The following ST6GALNAC5 variants were observed in gnomAD, a reference collection of about 807,000 sequenced individuals.
ST6GALNAC5 encodes alpha-N-acetylgalactosaminide alpha-2,6-sialyltransferase 5.
In ST6GALNAC5, 27 loss-of-function variants were observed where a neutral mutation model predicts 33.6. The ratio of observed to expected loss-of-function variants is 0.80; its 90% CI spans 0.59 to 1.11. ST6GALNAC5 has a LOEUF of 1.11. Ranked by LOEUF, ST6GALNAC5 falls within the 50% of genes least tolerant of loss-of-function variation. The probability of loss-of-function intolerance (pLI) is 0.00; values close to 1 mark genes in which losing one functional copy is unlikely to be tolerated. For synonymous variants in ST6GALNAC5, 194 were observed against 171.2 expected, an observed-to-expected ratio of 1.13 and a Z score of -1.04; for missense variants, 428 against 454.0, an observed-to-expected ratio of 0.94 and a Z score of 0.52.
chr1:77,020,618 C>G (rs1651017206), intron 2 of ST6GALNAC5, among the ~76,000 whole-genome samples: 3 of 152,178 alleles, frequency 2.0e-5, no homozygotes, highest in African/African-American at 7.2e-5. Context: ...CCAGGCTGGT[C>G]TTGAGCTCCT....
At chr1:76,927,517 T>C (rs545279341) in intron 2 of ST6GALNAC5, among the ~76,000 whole-genome samples, 2 of 152,034 alleles carry the variant, frequency 1.3e-5, no homozygotes, top group Non-Finnish European at 2.9e-5. Flanking sequence ...GATAGTGATA[T>C]CTTGAAAAAA....
At chr1:76,922,670 T>C (rs752821667) in intron 2 of ST6GALNAC5, among the ~76,000 whole-genome samples, 4 of 152,024 alleles carry the variant, frequency 2.6e-5, no homozygotes, top group African/African-American at 7.2e-5. Flanking sequence ...AACTCAGAAA[T>C]AGACCCACAC....
chr1:76,904,700 C>T (rs982383519), intron 2 of ST6GALNAC5, among the ~76,000 whole-genome samples: 1 of 152,082 alleles, frequency 6.6e-6, no homozygotes, highest in Admixed American at 6.5e-5. Flanking sequence ...TGGCATATGC[C>T]TGTAATCCCA....
chr1:76,978,717 A>T (rs1102451), intron 2 of ST6GALNAC5, among the ~76,000 whole-genome samples: 2 of 152,212 alleles, frequency 1.3e-5, no homozygotes, highest in Admixed American at 1.3e-4. Context: ...GACTTGAAAC[A>T]AGACAAGAAT....
At chr1:77,024,897 T>A (rs930374677) in intron 2 of ST6GALNAC5, among the ~76,000 whole-genome samples, 1 of 152,220 alleles carries the variant, frequency 6.6e-6, no homozygotes, top group Non-Finnish European at 1.5e-5. Context: ...CAACTCCATC[T>A]GCTGTGACCC....
intron 2 of ST6GALNAC5, among the ~76,000 whole-genome samples, chr1:77,021,979 C>T (rs1330838139): frequency 6.6e-6 from 1 of 152,196 alleles, no homozygotes; most frequent in African/African-American, 2.4e-5. Flanking sequence ...TGCTGTCATG[C>T]CATTCAGCAG....
intron 4 of ST6GALNAC5, among the ~76,000 whole-genome samples, chr1:77,057,625 C>CGG (rs1652443900): frequency 6.6e-6 from 1 of 152,112 alleles, no homozygotes; most frequent in Non-Finnish European, 1.5e-5. Flanking sequence ...TCATTTCCTC[C>CGG]GGATATATGG....
intron 2 of ST6GALNAC5, among the ~76,000 whole-genome samples, chr1:76,956,847 G>A (rs1382815793): frequency 6.6e-6 from 1 of 152,138 alleles, no homozygotes; most frequent in African/African-American, 2.4e-5. Context: ...ATGATTAAGT[G>A]CGGTGTTTAA....
intron 2 of ST6GALNAC5, among the ~76,000 whole-genome samples, chr1:77,024,914 CT>C (rs1651178225): frequency 1.3e-5 from 2 of 152,182 alleles, no homozygotes; most frequent in African/African-American, 4.8e-5. Context: ...ACCCACCTTC[CT>C]TAGTCAGCCC....
chr1:76,887,954 G>A (rs1279028739), intron 2 of ST6GALNAC5, among the ~76,000 whole-genome samples: 1 of 151,994 alleles, frequency 6.6e-6, no homozygotes, highest in African/African-American at 2.4e-5. Flanking sequence ...ACACTGTGAA[G>A]CAGTGACTAG....
intron 2 of ST6GALNAC5, among the ~76,000 whole-genome samples, chr1:76,960,869 A>G (rs1164857652): frequency 6.6e-6 from 1 of 152,114 alleles, no homozygotes; most frequent in Non-Finnish European, 1.5e-5. Context: ...CAGATTTCAT[A>G]TTGTTCAAAC....
At chr1:77,060,368 G>A (rs1194951086) in intron 4 of ST6GALNAC5, among the ~76,000 whole-genome samples, 1 of 152,074 alleles carries the variant, frequency 6.6e-6, no homozygotes, top group Non-Finnish European at 1.5e-5. Context: ...GGTGAAGGAA[G>A]AAAAAAACTA....
At chr1:76,943,100 G>A (rs755289110) in intron 2 of ST6GALNAC5, among the ~76,000 whole-genome samples, 3 of 152,056 alleles carry the variant, frequency 2.0e-5, no homozygotes, top group Non-Finnish European at 4.4e-5. Flanking sequence ...TCTAGCCACA[G>A]TTAATGTTTG....
At chr1:76,876,122 C>G (rs1557706295) in intron 2 of ST6GALNAC5, among the ~76,000 whole-genome samples, 1 of 152,212 alleles carries the variant, frequency 6.6e-6, no homozygotes, top group South Asian at 2.1e-4. Flanking sequence ...GAGTAAGTGT[C>G]TATTCCAGTT....
At chr1:76,935,221 TAAA>T (rs1450104504) in intron 2 of ST6GALNAC5, among the ~76,000 whole-genome samples, 1 of 152,042 alleles carries the variant, frequency 6.6e-6, no homozygotes, top group Non-Finnish European at 1.5e-5. Context: ...ACGTGGGAAA[TAAA>T]TAATAAATAA....
At chr1:76,969,311 G>A (rs930381159) in intron 2 of ST6GALNAC5, among the ~76,000 whole-genome samples, 1 of 152,184 alleles carries the variant, frequency 6.6e-6, no homozygotes, top group Non-Finnish European at 1.5e-5. Context: ...GGAAAAACAG[G>A]ACACTCCTGC....
At chr1:76,919,965 G>A (rs1028720337) in intron 2 of ST6GALNAC5, among the ~76,000 whole-genome samples, 2 of 151,926 alleles carry the variant, frequency 1.3e-5, no homozygotes. Flanking sequence ...CTATAAATAC[G>A]GCATTAAAAA....
intron 2 of ST6GALNAC5, among the ~76,000 whole-genome samples, chr1:76,887,581 G>A (rs1653925075): frequency 6.6e-6 from 1 of 152,086 alleles, no homozygotes; most frequent in African/African-American, 2.4e-5. Flanking sequence ...AGGCCCACAT[G>A]CATTCTAATT....
intron 2 of ST6GALNAC5, among the ~76,000 whole-genome samples, chr1:76,981,028 G>T (rs1273079684): frequency 6.6e-6 from 1 of 152,168 alleles, no homozygotes; most frequent in Non-Finnish European, 1.5e-5. Context: ...CACATTCCAA[G>T]ATGGCCAAAT....
Sources: gnomAD v4.1 joint callset for allele counts (sites outside exome capture counted in the v4.1 genomes callset) on GRCh38, gnomAD v4.1.1 for gene constraint, MANE v1.5 for transcripts, NCBI Gene and HGNC (gene_info 2026-07-23, HGNC 2026-07-21) for gene names.